TGM4: variants seen among roughly 807,000 people sequenced by gnomAD.
TGM4 encodes the protein transglutaminase 4.
In TGM4, 61 loss-of-function variants were observed where a neutral mutation model predicts 76.3. That is an observed-to-expected ratio of 0.80 (90% CI 0.65 to 0.99). TGM4 has a LOEUF of 0.99. TGM4 is among the 50% of genes least tolerant of loss of function. The pLI is 0.00. For missense variants in TGM4, 794 were observed against 843.2 expected, an observed-to-expected ratio of 0.94 and a Z score of 0.72; for synonymous variants, 337 against 329.8, an observed-to-expected ratio of 1.02 and a Z score of -0.24.
intron 11 of TGM4, among the ~76,000 whole-genome samples, chr3:44,910,691 C>T (rs1699991736): frequency 6.6e-6 from 1 of 152,068 alleles, no homozygotes; most frequent in Admixed American, 6.6e-5. Flanking sequence ...TTATGAGTAC[C>T]CAAGGCACAG....
Position 44,911,053 on chromosome 3 carries a change from G to A in TGM4, c.1702G>A (p.Glu568Lys). 1 of 1,614,186 alleles carries A rather than the reference G, an allele frequency of 6.2e-7. No homozygotes were observed. The highest frequency in any genetic ancestry group is 8.5e-7 in the Non-Finnish European group (1 of 1,180,046). The change falls in exon 12 of 14, where the codon GAA becomes AAA. Residue 568 changes from glutamate (E) to lysine (K), a missense_variant. Physicochemically the swap from Glu to Lys is moderately conservative, Grantham distance 56 (BLOSUM62 1). Coordinates refer to ENST00000296125, the MANE Select transcript of TGM4 (RefSeq NM_003241.4). ...AGTTATCAGAGGTTTCATCATTGCG[G>A]AAATTGTGGAGTCTAAGGAAATCAT... ...EPVIRGFIIA[E>K]IVESKEIMAS...
intron 10 of TGM4, 27 bp from the exon 11 acceptor site, chr3:44,910,063 A>C (rs750091133): frequency 1.2e-6 from 2 of 1,603,472 alleles, no homozygotes; most frequent in Non-Finnish European, 1.7e-6. Flanking sequence ...GAGCACCTGA[A>C]GGAAGCTGCC....
intron 10 of TGM4, among the ~76,000 whole-genome samples, chr3:44,907,674 G>A (rs944508886): frequency 6.6e-6 from 1 of 152,144 alleles, no homozygotes; most frequent in Non-Finnish European, 1.5e-5. Flanking sequence ...CATGCTGCCT[G>A]CTGTTACCTG....
intron 1 of TGM4, 110 bp downstream of exon 1, chr3:44,874,807 C>A: frequency 7.5e-7 from 1 of 1,335,266 alleles, no homozygotes; most frequent in Non-Finnish European, 1.1e-6. Flanking sequence ...CTCACCCTGA[C>A]TTGTGGCCCT....
chr3:44,911,234 C>T, intron 12 of TGM4, 36 bp from the exon 13 acceptor site: 1 of 1,612,972 alleles, frequency 6.2e-7, no homozygotes, highest in Non-Finnish European at 8.5e-7. Flanking sequence ...TCATGCATAT[C>T]TTCTCTCCCC....
rs745770469 is a variant in TGM4, at chr3:44,890,660, G to A, written c.358G>A (p.Val120Met). 6.8e-6 allele frequency: 11 copies of A among 1,614,058 alleles called. No homozygotes were observed. The highest frequency in any genetic ancestry group is 5.5e-5 in the South Asian group (5 of 91,086). Residue 120 changes from valine to methionine, a missense_variant, in exon 4 of 14, where the codon GTG becomes ATG. Val to Met is a conservative substitution (Grantham distance 21). Coordinates refer to ENST00000296125, the MANE Select transcript of TGM4 (RefSeq NM_003241.4). Reference sequence around the variant, plus strand: ...CATCCTGGGCAAGTACCAACTAAACGTGAAAACTGGAAACCACATCCTTAA... The same window carrying A: ...CATCCTGGGCAAGTACCAACTAAACATGAAAACTGGAAACCACATCCTTAA... ...NAILGKYQLNVKTGNHILKSE... is the reference protein window; with the variant it reads ...NAILGKYQLNMKTGNHILKSE...
At position 44,879,438 on chromosome 3, in the gene TGM4, C is replaced by A. The variant is rs184794624; in HGVS notation, c.19+4741C>A. Reference sequence around the variant, plus strand: ...TCTTCTGCCTCAGCCTCTCGAGTAGCTGGGATTACAGGCATGTGCCACCAA... The same window carrying A: ...TCTTCTGCCTCAGCCTCTCGAGTAGATGGGATTACAGGCATGTGCCACCAA... On this transcript the variant is annotated intron_variant, in intron 1 of 13. Coordinates refer to ENST00000296125, the MANE Select transcript of TGM4 (RefSeq NM_003241.4). Among the ~76,000 whole-genome samples the A allele has an allele frequency of 2.6e-3, 386 of 150,672 alleles. 4 individuals carry two copies. The highest frequency in any genetic ancestry group is 9.3e-3 in the African/African-American group (380 of 41,002).
chr3:44,912,527 T>A (rs753212160), intron 13 of TGM4, among the ~76,000 whole-genome samples: 31 of 152,246 alleles, frequency 2.0e-4, no homozygotes, highest in Non-Finnish European at 3.2e-4. Flanking sequence ...TATATGATTA[T>A]CATATCTACA....
At chr3:44,892,661 G>A (rs1469949965) in intron 4 of TGM4, among the ~76,000 whole-genome samples, 5 of 152,054 alleles carry the variant, frequency 3.3e-5, no homozygotes, top group South Asian at 4.1e-4. Context: ...ATGAGGCACC[G>A]CACCCAGCCG....
At chr3:44,895,415 C>T (rs189395466) in intron 5 of TGM4, among the ~76,000 whole-genome samples, 33 of 152,256 alleles carry the variant, frequency 2.2e-4, no homozygotes, top group African/African-American at 7.9e-4. Flanking sequence ...TGGCTTGAGG[C>T]CAGGAGTTCA....
At chr3:44,893,457 G>T in intron 4 of TGM4, 120 bp from the exon 5 acceptor site, 3 of 824,860 alleles carry the variant, frequency 3.6e-6, no homozygotes, top group African/African-American at 1.7e-5. Context: ...CCCAACATTG[G>T]GTGTTCCAAG....
At chr3:44,885,595 T>A (rs1054170121) in intron 2 of TGM4, 97 bp downstream of exon 2, 9 of 1,315,330 alleles carry the variant, frequency 6.8e-6, no homozygotes, top group Non-Finnish European at 9.3e-6. Flanking sequence ...GAGCCAGGAG[T>A]GCCTTACCCT....
chr3:44,898,868 T>C (rs1336388951), intron 6 of TGM4, among the ~76,000 whole-genome samples: 1 of 152,096 alleles, frequency 6.6e-6, no homozygotes, highest in Admixed American at 6.5e-5. Context: ...CCCATGCTGG[T>C]ATGTTCATTC....
In TGM4 at chr3:44,875,619, C is replaced by T. The variant is rs190550608; in HGVS notation, c.19+922C>T. ...GAACAACGAGGCTGGGTTTGAACCCCTCTGCTGACTCCCCAGCCCACAAGC... is the reference window on the plus strand; with the variant it reads ...GAACAACGAGGCTGGGTTTGAACCCTTCTGCTGACTCCCCAGCCCACAAGC... On this transcript the variant is annotated intron_variant, in intron 1 of 13. Coordinates refer to ENST00000296125, the MANE Select transcript of TGM4 (RefSeq NM_003241.4). Among the ~76,000 whole-genome samples the T allele has an allele frequency of 1.5e-3, 223 of 152,206 alleles. 2 individuals are homozygous for T. The highest frequency in any genetic ancestry group is 4.8e-3 in the African/African-American group (200 of 41,544).
intron 6 of TGM4, among the ~76,000 whole-genome samples, chr3:44,900,274 A>G (rs1025617933): frequency 1.3e-5 from 2 of 152,334 alleles, no homozygotes; most frequent in South Asian, 2.1e-4. Flanking sequence ...GCTGGGTGAC[A>G]GTTAAGATGG....
rs1488815691 is a variant in TGM4 at position 44,913,695 on chromosome 3, T to C, written c.2025T>C (p.Asn675=). Residue 675 remains asparagine, a synonymous_variant, in exon 14 of 14, where the codon AAT becomes AAC. Coordinates refer to ENST00000296125, the MANE Select transcript of TGM4 (RefSeq NM_003241.4). The stretch of plus-strand genomic sequence containing the variant: ...GTTCCAAACAAGTGAAAGAGATTAA[T>C]GCTCAGAAGATTGTTCTCATCACCA... ...KLSSKQVKEI[N]AQKIVLITK is the part of the protein sequence containing the mutation. 4 of 1,614,188 alleles carry C rather than the reference T, an allele frequency of 2.5e-6. No homozygotes were observed. Among genetic ancestry groups the C allele is most frequent in the Non-Finnish European group, 3.4e-6 (4 of 1,180,014 alleles).
intron 4 of TGM4, 128 bp downstream of exon 4, chr3:44,890,860 C>T: frequency 2.5e-6 from 3 of 1,198,708 alleles, no homozygotes; most frequent in East Asian, 2.5e-5. Context: ...GGGATGTGAC[C>T]CAGGAACAGA....
At chr3:44,911,497 G>A (rs1034443690) in intron 13 of TGM4, 91 bp downstream of exon 13, 79 of 1,445,000 alleles carry the variant, frequency 5.5e-5, no homozygotes, top group Middle Eastern at 5.0e-4. Flanking sequence ...TTCCCAGTAT[G>A]GGGTCACAGG....
intron 9 of TGM4, among the ~76,000 whole-genome samples, chr3:44,905,757 C>G (rs1396429864): frequency 6.6e-6 from 1 of 152,240 alleles, no homozygotes; most frequent in Non-Finnish European, 1.5e-5. Flanking sequence ...AAAGATAAGG[C>G]ATTGCCCTTA....
Sources: allele counts gnomAD v4.1 joint callset (sites outside exome capture counted in the v4.1 genomes callset), GRCh38; gene constraint gnomAD v4.1.1; transcripts MANE v1.5; gene names NCBI Gene and HGNC (gene_info 2026-07-23, HGNC 2026-07-21).